The following RIMS1 variants were observed in gnomAD, a reference collection of about 807,000 sequenced individuals.
The protein encoded by RIMS1 is regulating synaptic membrane exocytosis protein 1.
In RIMS1, 83 loss-of-function variants were observed where a neutral mutation model predicts 214.1. The ratio of observed to expected loss-of-function variants is 0.39; its 90% CI spans 0.32 to 0.47. The LOEUF (loss-of-function observed/expected upper bound fraction) is 0.47. Among genes scored for constraint, RIMS1 ranks in the 20% least tolerant of loss-of-function variants. The pLI is 0.99. For synonymous variants in RIMS1, 793 were observed against 786.8 expected, an observed-to-expected ratio of 1.01 and a Z score of -0.13; for missense variants, 2,050 against 2,161.8, an observed-to-expected ratio of 0.95 and a Z score of 1.03.
At chr6:72,192,303 T>A (rs560960616) in intron 6 of RIMS1, among the ~76,000 whole-genome samples, 18 of 152,328 alleles carry the variant, frequency 1.2e-4, no homozygotes, top group Admixed American at 1.0e-3. Flanking sequence ...TGATCATTTT[T>A]TCCTTCCTCC....
chr6:72,381,217 G>A (rs762621681), intron 29 of RIMS1, among the ~76,000 whole-genome samples: 24 of 152,072 alleles, frequency 1.6e-4, no homozygotes, highest in Non-Finnish European at 3.1e-4. Context: ...GGCCCCTGGT[G>A]TCTCTGTGAG....
At chr6:72,365,393 T>C (rs2097960357) in intron 29 of RIMS1, among the ~76,000 whole-genome samples, 1 of 152,218 alleles carries the variant, frequency 6.6e-6, no homozygotes, top group African/African-American at 2.4e-5. Context: ...AGATACATTG[T>C]TTACCAAGGT....
chr6:72,199,234 A>G (rs1275189146), intron 6 of RIMS1, among the ~76,000 whole-genome samples: 1 of 152,116 alleles, frequency 6.6e-6, no homozygotes, highest in Admixed American at 6.6e-5. Flanking sequence ...TTAAAAATTG[A>G]TAAAAAATAA....
chr6:72,361,385 T>C (rs909080983), intron 29 of RIMS1, among the ~76,000 whole-genome samples: 3 of 151,956 alleles, frequency 2.0e-5, no homozygotes, highest in African/African-American at 7.3e-5. Context: ...GGATTACAGG[T>C]GTGAGCCACT....
intron 19 of RIMS1, chr6:72,262,409 G>A (rs2078442774): frequency 1.0e-6 from 1 of 982,776 alleles, no homozygotes; most frequent in African/African-American, 1.8e-5. Context: ...TATTCAGCGA[G>A]GCAGATAACA....
At chr6:71,983,388 A>C (rs1343155048) in intron 2 of RIMS1, among the ~76,000 whole-genome samples, 1 of 152,082 alleles carries the variant, frequency 6.6e-6, no homozygotes, top group Non-Finnish European at 1.5e-5. Context: ...TATTAAGTTT[A>C]GAGATTAAGT....
At chr6:72,218,106 G>C (rs368545627) in intron 6 of RIMS1, among the ~76,000 whole-genome samples, 2 of 13,184 alleles carry the variant, frequency 1.5e-4, no homozygotes, top group African/African-American at 3.4e-4. Context: ...CGGTTTTTTT[G>C]CTTTTTTTTT....
chr6:72,160,971 C>A (rs1465717438), intron 4 of RIMS1, among the ~76,000 whole-genome samples: 2 of 138,002 alleles, frequency 1.4e-5, no homozygotes, highest in South Asian at 4.8e-4. Flanking sequence ...CCAGCTCATT[C>A]TTGTATCTTT....
intron 2 of RIMS1, 125 bp downstream of exon 2, chr6:71,969,188 C>G: frequency 1.1e-6 from 1 of 908,104 alleles, no homozygotes; most frequent in Non-Finnish European, 1.8e-6. Context: ...AACAAAAAGG[C>G]TACTGTTGAA....
At chr6:72,213,258 G>C in intron 6 of RIMS1, 1 of 1,508,446 alleles carries the variant, frequency 6.6e-7, no homozygotes, top group Non-Finnish European at 8.9e-7. Context: ...ACTTCATTTT[G>C]TCCCAGTTGT....
chr6:72,102,741 C>A (rs2033886956), intron 4 of RIMS1, among the ~76,000 whole-genome samples: 1 of 152,036 alleles, frequency 6.6e-6, no homozygotes, highest in South Asian at 2.1e-4. Flanking sequence ...ACATTACTCT[C>A]AAAGACTCAA....
chr6:72,281,234 AAAGAGTAGTACCT>A (rs2089974669), intron 23 of RIMS1, among the ~76,000 whole-genome samples: 1 of 152,158 alleles, frequency 6.6e-6, no homozygotes, highest in Non-Finnish European at 1.5e-5. Context: ...AAAAAGGATA[AAAGAGTAGTACCT>A]ACCTCTGGAT....
intron 1 of RIMS1, among the ~76,000 whole-genome samples, chr6:71,916,596 G>T (rs765116256): frequency 2.0e-5 from 3 of 152,014 alleles, no homozygotes; most frequent in Non-Finnish European, 4.4e-5. Flanking sequence ...TATTGCTCTG[G>T]ATTTCTGAGT....
chr6:72,270,198 A>G (rs895154614), intron 22 of RIMS1, among the ~76,000 whole-genome samples: 2 of 152,166 alleles, frequency 1.3e-5, no homozygotes, highest in African/African-American at 4.8e-5. Flanking sequence ...TTGAATTGAA[A>G]TAGATATCAT....
chr6:72,054,013 C>A (rs558018024), intron 2 of RIMS1, among the ~76,000 whole-genome samples: 1 of 151,918 alleles, frequency 6.6e-6, no homozygotes, highest in Non-Finnish European at 1.5e-5. Context: ...ACCTATCAAC[C>A]TTTCATCGAG....
intron 29 of RIMS1, among the ~76,000 whole-genome samples, chr6:72,344,809 C>A (rs2097205341): frequency 6.6e-6 from 1 of 151,706 alleles, no homozygotes; most frequent in Admixed American, 6.6e-5. Flanking sequence ...CATACTCCAG[C>A]TGGTCTATGT....
At chr6:72,216,281 A>G (rs920067028) in intron 6 of RIMS1, among the ~76,000 whole-genome samples, 5 of 152,196 alleles carry the variant, frequency 3.3e-5, no homozygotes, top group East Asian at 1.9e-4. Context: ...AATCTATTGT[A>G]TTATGAATTA....
At chr6:72,260,241 G>C (rs1348558763) in intron 18 of RIMS1, among the ~76,000 whole-genome samples, 3 of 151,936 alleles carry the variant, frequency 2.0e-5, no homozygotes, top group African/African-American at 7.3e-5. Flanking sequence ...ATTGTTAGTT[G>C]GTTAATAAGA....
intron 16 of RIMS1, among the ~76,000 whole-genome samples, chr6:72,253,546 A>G (rs2074399152): frequency 6.6e-6 from 1 of 152,222 alleles, no homozygotes; most frequent in Non-Finnish European, 1.5e-5. Flanking sequence ...TTTACTAATG[A>G]GAGGAGAAGT....
Sources: allele counts gnomAD v4.1 joint callset (sites outside exome capture counted in the v4.1 genomes callset), GRCh38; gene constraint gnomAD v4.1.1; transcripts MANE v1.5; gene names NCBI Gene and HGNC (gene_info 2026-07-23, HGNC 2026-07-21).